SLC22A6: variants seen among roughly 807,000 people sequenced by gnomAD.
SLC22A6 encodes PAH transporter.
In SLC22A6, 45 loss-of-function variants were observed where a neutral mutation model predicts 56.7. The observed-to-expected ratio is 0.79, with a 90% CI of 0.63 to 1.02. SLC22A6 has a LOEUF of 1.02. Among genes scored for constraint, SLC22A6 ranks in the 50% least tolerant of loss-of-function variants. SLC22A6 has a pLI of 0.00. For missense variants in SLC22A6, 606 were observed against 713.8 expected (o/e 0.85, Z 1.72); for synonymous variants, 291 against 295.9 (o/e 0.98, Z 0.17).
chr11:62,983,307 G>C lies in SLC22A6; in HGVS notation c.628+230C>G, dbSNP rs1295099707. Among the ~76,000 whole-genome samples, 1 of 152,222 alleles carries C rather than the reference G, an allele frequency of 6.6e-6. No homozygotes were observed. Among genetic ancestry groups the C allele is most frequent in the African/African-American group, 2.4e-5 (1 of 41,464 alleles). ...GATCTGCCCGCCTCGGCCTCCGAAA[G>C]TGCTGGGATTACAGGTGTGAGCCAC... is the stretch of plus-strand genomic sequence containing the variant. On this transcript the variant is annotated intron_variant, in intron 3 of 9. Transcript: ENST00000360421. The surrounding 1 kb of genome is among the most constrained non-coding windows in gnomAD (Gnocchi z 4.5).
In SLC22A6 at chr11:62,984,901, C is replaced by T; in HGVS notation, c.-211G>A. 3.4e-6 allele frequency: 2 copies of T among 579,824 alleles called. No homozygotes were observed. Among genetic ancestry groups the T allele is most frequent in the Non-Finnish European group, 6.1e-6 (2 of 327,782 alleles). The allele number at this position is 579,824 out of a possible 1,614,324, so 35.9% of individuals were successfully genotyped here. The stretch of plus-strand genomic sequence containing the variant: ...TCTTCCCCGGTCTCCCTGATCTGTC[C>T]CTCCCTTTTCCCTTGCAGCTTCTCC... On this transcript the variant is annotated 5_prime_UTR_variant, in exon 1 of 10. Coordinates refer to ENST00000360421, the MANE Select transcript of SLC22A6 (RefSeq NM_153276.3).
At chr11:62,980,822 TG>T (rs112666647) in intron 6 of SLC22A6, among the ~76,000 whole-genome samples, 162 bp downstream of exon 6, 1 of 152,220 alleles carries the variant, frequency 6.6e-6, no homozygotes, top group Admixed American at 6.5e-5. Flanking sequence ...GAGTCAAGGC[TG>T]GGGGCATCTG....
At position 62,979,585 on chromosome 11, in the gene SLC22A6, C is replaced by T. The variant is rs756737631; in HGVS notation, c.1264G>A (p.Val422Ile). 1.2e-6 allele frequency: 2 copies of T among 1,613,828 alleles called. No homozygotes were observed. Among genetic ancestry groups the T allele is most frequent in the Non-Finnish European group, 1.7e-6 (2 of 1,179,846 alleles). The part of the protein sequence containing the change: ...NGVIPQDQSI[V>I]RTSLAVLGKG... ...CCCAGCACAGCAAGAGAGGTTCGGACAATGGACTGGTCTAGAGAGAAAGAA... is the reference window on the plus strand; with the variant it reads ...CCCAGCACAGCAAGAGAGGTTCGGATAATGGACTGGTCTAGAGAGAAAGAA... Residue 422 changes from valine to isoleucine, a missense_variant, in exon 8 of 10, where the codon GTC becomes ATC. By Grantham distance (29) the Val-to-Ile change is conservative (BLOSUM62 3). Coordinates refer to ENST00000360421, the MANE Select transcript of SLC22A6 (RefSeq NM_153276.3).
rs1054132242 is a variant in SLC22A6, at chr11:62,976,603, G to T, written c.*191C>A. 1.9e-6 allele frequency: 1 copy of T among 516,960 alleles called. No homozygotes were observed. 32.0% of individuals were successfully genotyped at this position (516,960 alleles called of 1,614,324 possible). On this transcript the variant is annotated 3_prime_UTR_variant, in exon 10 of 10. Transcript: ENST00000360421. ...CAAGAGAGACACAGAGAGATGGTGC[G>T]CAGTCAAACCTTTTAATGATGTGGT...
At position 62,983,137 on chromosome 11, in the gene SLC22A6, C is replaced by T. The variant is rs527312874; in HGVS notation, c.628+400G>A. On this transcript the variant is annotated intron_variant, in intron 3 of 9. Coordinates refer to ENST00000360421, the MANE Select transcript of SLC22A6 (RefSeq NM_153276.3). This position sits in a 1 kb window ranked among gnomAD's most constrained non-coding sequence, Gnocchi z 4.5. ...TCCGCTCACTGAAAGCTCCGCCTCC[C>T]GGGTTCACGCCATTCTCCTGCCTCA... 3.9e-5 allele frequency among the ~76,000 whole-genome samples: 6 copies of T among 152,178 alleles called. No homozygotes were observed. Among genetic ancestry groups the T allele is most frequent in the South Asian group, 2.1e-4 (1 of 4,812 alleles).
chr11:62,980,055 G>A, intron 6 of SLC22A6, 107 bp from the exon 7 acceptor site: 1 of 738,660 alleles, frequency 1.4e-6, no homozygotes, highest in Non-Finnish European at 2.4e-6. Flanking sequence ...TAAGGAGCTG[G>A]AATCTGCCTT....
rs1437308444 is a variant in SLC22A6, at chr11:62,981,099, A to C, written c.923T>G (p.Val308Gly). The change falls in exon 6 of 10, where the codon GTA (valine) becomes GGA (glycine). Residue 308 changes from valine (V) to glycine (G), a missense_variant and splice_region_variant. Physicochemically the swap from Val to Gly is moderately radical, Grantham distance 109. Transcript: ENST00000360421. ...REEGAKLSMEVLRASLQKELT... is the reference protein window; with the variant it reads ...REEGAKLSMEGLRASLQKELT... ...CTCCTTCTGCAGACTGGCCCGGAGTACCTGCTGGGACCGGCAGAGCTCAGG... is the reference window on the plus strand; with the variant it reads ...CTCCTTCTGCAGACTGGCCCGGAGTCCCTGCTGGGACCGGCAGAGCTCAGG... 6.2e-7 allele frequency: 1 copy of C among 1,611,096 alleles called. No individual in the cohort carries two copies. Among genetic ancestry groups the C allele is most frequent in the East Asian group, 2.2e-5 (1 of 44,818 alleles).
rs1565286919 is a variant in SLC22A6 at position 62,982,017 on chromosome 11, A to G, written c.629-7T>C. On this transcript the variant is annotated splice_polypyrimidine_tract_variant and splice_region_variant and intron_variant, in intron 3 of 9. Coordinates refer to ENST00000360421, the MANE Select transcript of SLC22A6 (RefSeq NM_153276.3). ...ATGGGCATCCACTCCACATCTGGAAAGAGGGTTAAGACAGGATGCTGCAAC... is the reference window on the plus strand; with the variant it reads ...ATGGGCATCCACTCCACATCTGGAAGGAGGGTTAAGACAGGATGCTGCAAC... The G allele has an allele frequency of 6.2e-7, 1 of 1,612,584 alleles. No individual in the cohort carries two copies. The highest frequency in any genetic ancestry group is 8.5e-7 in the Non-Finnish European group (1 of 1,179,286).
chr11:62,981,778 T>A, intron 4 of SLC22A6, 64 bp downstream of exon 4: 1 of 1,467,508 alleles, frequency 6.8e-7, no homozygotes, highest in Non-Finnish European at 9.1e-7. Flanking sequence ...CTCTGGGAGA[T>A]GTCCTGTCCC....
intron 8 of SLC22A6, among the ~76,000 whole-genome samples, chr11:62,977,700 T>A (rs2086206602): frequency 6.6e-6 from 1 of 152,198 alleles, no homozygotes; most frequent in Non-Finnish European, 1.5e-5. Context: ...TAAGATTGAA[T>A]TTTGCCTTTG....
chr11:62,979,482 A>G lies in SLC22A6; in HGVS notation c.1361+6T>C. 5 of 1,561,760 alleles carry G rather than the reference A, an allele frequency of 3.2e-6. No individual in the cohort carries two copies. Among genetic ancestry groups the G allele is most frequent in the Non-Finnish European group, 3.5e-6 (4 of 1,132,344 alleles). ...GCTGTCATTCTCCCATTAGGCTCCC[A>G]CTCACCGGATCATTGTGGGATACAG... On this transcript the variant is annotated splice_donor_region_variant and intron_variant, in intron 8 of 9. Coordinates refer to ENST00000360421, the MANE Select transcript of SLC22A6 (RefSeq NM_153276.3).
chr11:62,984,534 C>T lies in SLC22A6; in HGVS notation c.157G>A (p.Ala53Thr). 1 of 1,613,836 alleles carries T rather than the reference C, an allele frequency of 6.2e-7. No homozygotes were observed. Among genetic ancestry groups the T allele is most frequent in the African/African-American group, 1.3e-5 (1 of 75,044 alleles). Residue 53 changes from alanine (A) to threonine (T), a missense_variant, in exon 1 of 10, where the codon GCC (alanine) becomes ACC (threonine). Ala to Thr is a moderately conservative substitution (Grantham distance 58). Transcript: ENST00000360421. ...CCGTTCTTGCTGAGGTTGGCATCGG[C>T]AGGCGGGCGGCAGTGGTGGGTAGGG... ...AIPTHHCRPP[A>T]DANLSKNGGL...
rs772101300 is a variant in SLC22A6 at position 62,983,585 on chromosome 11, G to A, written c.580C>T (p.Leu194Phe). 9.5e-6 allele frequency: 15 copies of A among 1,584,286 alleles called. No homozygotes were observed. In the South Asian group the frequency reaches 1.7e-4, roughly 18 times the overall value. The change falls in exon 3 of 10, where the codon CTC becomes TTC. Residue 194 changes from leucine (L) to phenylalanine (F), a missense_variant. Physicochemically the swap from Leu to Phe is conservative, Grantham distance 22. Coordinates refer to ENST00000360421, the MANE Select transcript of SLC22A6 (RefSeq NM_153276.3). This position sits in a 1 kb window ranked among gnomAD's most constrained non-coding sequence, Gnocchi z 4.5. Reference protein sequence around the residue: ...NFPIYCAFRLLSGMALAGISL... With the variant: ...NFPIYCAFRLFSGMALAGISL... ...ATGCCAGCCAGAGCCATGCCCGAGA[G>A]GAGCCGGAAGGCGCAGTAGATGGGG... is the stretch of plus-strand genomic sequence containing the variant.
chr11:62,977,391 C>A lies in SLC22A6; in HGVS notation c.1362-4G>T, dbSNP rs776547584. 3 of 1,605,760 alleles carry A rather than the reference C, an allele frequency of 1.9e-6. No individual in the cohort carries two copies. Among genetic ancestry groups the A allele is most frequent in the Non-Finnish European group, 2.5e-6 (3 of 1,178,780 alleles). ...GCCCATTCCCATGCCTGTCTGCCTG[C>A]AGGGCCCGCAGCAGATGGGTGTTGG... On this transcript the variant is annotated splice_polypyrimidine_tract_variant and splice_region_variant and intron_variant, in intron 8 of 9. Transcript: ENST00000360421.
chr11:62,981,603 G>C (rs1481250871), intron 4 of SLC22A6, among the ~76,000 whole-genome samples: 3 of 152,210 alleles, frequency 2.0e-5, no homozygotes, highest in Admixed American at 6.5e-5. Flanking sequence ...TTGCGGGTAG[G>C]GGGAGCAGAG....
intron 3 of SLC22A6, among the ~76,000 whole-genome samples, chr11:62,982,430 G>A (rs2097074): frequency 6.6e-6 from 1 of 152,148 alleles, no homozygotes; most frequent in Admixed American, 6.5e-5. Context: ...TCTTGAAGTA[G>A]GAGTGGGACC....
intron 5 of SLC22A6, 32 bp from the exon 6 acceptor site, chr11:62,981,132 A>C (rs2086249085): frequency 1.2e-6 from 2 of 1,608,420 alleles, no homozygotes; most frequent in Non-Finnish European, 1.7e-6. Context: ...AGGGCCCGGG[A>C]TCCTCCCAAG....
Position 62,983,589 on chromosome 11 carries a change from C to T in SLC22A6, c.576G>A (p.Arg192=). Residue 192 remains arginine, a synonymous_variant, in exon 3 of 10, where the codon CGG becomes CGA. Coordinates refer to ENST00000360421, the MANE Select transcript of SLC22A6 (RefSeq NM_153276.3). The surrounding 1 kb of genome is among the most constrained non-coding windows in gnomAD (Gnocchi z 4.5). Reference sequence around the variant, plus strand: ...CAGCCAGAGCCATGCCCGAGAGGAGCCGGAAGGCGCAGTAGATGGGGAAGT... The same window carrying T: ...CAGCCAGAGCCATGCCCGAGAGGAGTCGGAAGGCGCAGTAGATGGGGAAGT... ...APNFPIYCAF[R]LLSGMALAGI... The T allele has an allele frequency of 6.3e-7, 1 of 1,587,152 alleles. No individual in the cohort carries two copies. The highest frequency in any genetic ancestry group is 8.6e-7 in the Non-Finnish European group (1 of 1,166,606).
At chr11:62,976,916 G>T in intron 9 of SLC22A6, 35 bp from the exon 10 acceptor site, 2 of 1,608,014 alleles carry the variant, frequency 1.2e-6, no homozygotes, top group Non-Finnish European at 1.7e-6. Context: ...CTCTGGGTAT[G>T]CAGCCTCCAG....
Sources: gnomAD v4.1 joint callset for allele counts (sites outside exome capture counted in the v4.1 genomes callset) on GRCh38, gnomAD v4.1.1 for gene constraint, Gnocchi (gnomAD v3.1) non-coding constraint, MANE v1.5 for transcripts, NCBI Gene and HGNC (gene_info 2026-07-23, HGNC 2026-07-21) for gene names.